Variants in COPG1 observed in about 807,000 individuals in gnomAD.
COPG1 encodes coat protein complex I subunit gamma 1.
COPG1 carries 29 observed loss-of-function variants against 102.8 expected under a neutral mutation model. That is an observed-to-expected ratio of 0.28 (90% CI 0.21 to 0.38). COPG1 has a LOEUF of 0.38. Among genes scored for constraint, COPG1 ranks in the 10% least tolerant of loss-of-function variants. The probability of loss-of-function intolerance (pLI) is 1.00; values close to 1 mark genes in which losing one functional copy is unlikely to be tolerated. For missense variants in COPG1, 875 were observed against 1,132.7 expected, an observed-to-expected ratio of 0.77 and a Z score of 3.27; for synonymous variants, 406 against 421.6, an observed-to-expected ratio of 0.96 and a Z score of 0.45.
At position 129,275,971 on chromosome 3, in the gene COPG1, TACACACACACAC is replaced by T. The variant is rs59294610; in HGVS notation, c.2494+695_2494+706del. Among the ~76,000 whole-genome samples the T allele has an allele frequency of 8.7e-5, 13 of 149,394 alleles. No homozygotes were observed. The highest frequency in any genetic ancestry group is 5.4e-4 in the Admixed American group (8 of 14,938). On this transcript the variant is annotated intron_variant, in intron 23 of 23. Transcript: ENST00000314797. This position sits in a 1 kb window ranked among gnomAD's most constrained non-coding sequence, Gnocchi z 5.0. The stretch of plus-strand genomic sequence containing the variant: ...ACAGATGTTACAGTAAATAATCGTG[TACACACACACAC>T]ACACACACACACACAGTTTACTTTG...
rs1327000759 is a variant in COPG1, at chr3:129,257,713, A to G, written c.738-14A>G. 10 of 1,613,390 alleles carry G rather than the reference A, an allele frequency of 6.2e-6. No homozygotes were observed. Among genetic ancestry groups the G allele is most frequent in the African/African-American group, 4.0e-5 (3 of 74,868 alleles). On this transcript the variant is annotated splice_polypyrimidine_tract_variant and intron_variant, in intron 9 of 23. Coordinates refer to ENST00000314797, the MANE Select transcript of COPG1 (RefSeq NM_016128.4). ...ACCCCCAACGTTTTCTTGCCACCCT[A>G]TGTTCTTTTGTAGCCGTGACAGCCC...
chr3:129,265,254 A>G (rs1434761154), intron 13 of COPG1, among the ~76,000 whole-genome samples: 1 of 151,882 alleles, frequency 6.6e-6, no homozygotes, highest in Non-Finnish European at 1.5e-5. Flanking sequence ...ACCATGCCCA[A>G]CTAATTTTTC....
chr3:129,252,416 G>C lies in COPG1; in HGVS notation c.171+55G>C, dbSNP rs112659808. The C allele has an allele frequency of 8.5e-4, 1,113 of 1,314,516 alleles. 6 individuals carry two copies. In the African/African-American group the frequency reaches 0.013, roughly 15 times the overall value. 81.4% of individuals were successfully genotyped at this position (1,314,516 alleles called of 1,614,324 possible). On this transcript the variant is annotated intron_variant, in intron 3 of 23. Coordinates refer to ENST00000314797, the MANE Select transcript of COPG1 (RefSeq NM_016128.4). ...AATGGTGCTGGGGGATTGGAGGGGA[G>C]TGGACAAATCATGATCACTCTTAGG... is the stretch of plus-strand genomic sequence containing the variant.
At chr3:129,263,865 TGGCA>T in intron 12 of COPG1, 35 bp from the exon 13 acceptor site, 1 of 1,575,192 alleles carries the variant, frequency 6.3e-7, no homozygotes, top group Non-Finnish European at 8.7e-7. Context: ...CCCATCTTGG[TGGCA>T]GGGCCTGCTG....
Position 129,274,859 on chromosome 3 carries a change from G to C in COPG1, c.2278G>C (p.Val760Leu). The C allele has an allele frequency of 3.1e-6, 5 of 1,614,178 alleles. No homozygotes were observed. Among genetic ancestry groups the C allele is most frequent in the Non-Finnish European group, 4.2e-6 (5 of 1,180,026 alleles). ...CCAGCTGGAAGATCTGGAAGTTACT[G>C]TAGCTGATCACATTCAAAAGGTCAT... ...EYVLEDLEVT[V>L]ADHIQKVMKL... The change falls in exon 22 of 24, where the codon GTA becomes CTA. Residue 760 changes from valine to leucine, a missense_variant. Val to Leu is a conservative substitution (Grantham distance 32). Coordinates refer to ENST00000314797, the MANE Select transcript of COPG1 (RefSeq NM_016128.4).
chr3:129,275,272 C>A lies in COPG1; in HGVS notation c.2474C>A (p.Thr825Asn), dbSNP rs769406146. 6.2e-7 allele frequency: 1 copy of A among 1,614,110 alleles called. No individual in the cohort carries two copies. Among genetic ancestry groups the A allele is most frequent in the Non-Finnish European group, 8.5e-7 (1 of 1,179,984 alleles). ...GACAAAGTGCCGGATAACAAGAACACCCACACGTTGCTCCTGGCTGGTAAG... is the reference window on the plus strand; with the variant it reads ...GACAAAGTGCCGGATAACAAGAACAACCACACGTTGCTCCTGGCTGGTAAG... ...RSDKVPDNKN[T>N]HTLLLAGVFR... The change falls in exon 23 of 24, where the codon ACC (threonine) becomes AAC (asparagine). Residue 825 changes from threonine (T) to asparagine (N), a missense_variant. By Grantham distance (65) the Thr-to-Asn change is moderately conservative. Coordinates refer to ENST00000314797, the MANE Select transcript of COPG1 (RefSeq NM_016128.4). The surrounding 1 kb of genome is among the most constrained non-coding windows in gnomAD (Gnocchi z 5.0).
chr3:129,265,108 A>C (rs1014880667), intron 13 of COPG1, among the ~76,000 whole-genome samples: 1 of 150,608 alleles, frequency 6.6e-6, no homozygotes, highest in African/African-American at 2.5e-5. Context: ...GACGTGAGCC[A>C]CTGCGCCCGG....
chr3:129,271,650 C>A lies in COPG1; in HGVS notation c.1844-117C>A. 1 of 1,216,768 alleles carries A rather than the reference C, an allele frequency of 8.2e-7. No individual in the cohort carries two copies. The highest frequency in any genetic ancestry group is 1.2e-6 in the Non-Finnish European group (1 of 859,908). The allele number at this position is 1,216,768 out of a possible 1,614,324, so 75.4% of individuals were successfully genotyped here. Reference sequence around the variant, plus strand: ...TGAGTAGCCAGTTGGGTAAACATATCTATCCATCTAAGGTAGGGTGGAACA... The same window carrying A: ...TGAGTAGCCAGTTGGGTAAACATATATATCCATCTAAGGTAGGGTGGAACA... On this transcript the variant is annotated intron_variant, in intron 18 of 23. Transcript: ENST00000314797. The surrounding 1 kb of genome is among the most constrained non-coding windows in gnomAD (Gnocchi z 4.7).
intron 14 of COPG1, 138 bp downstream of exon 14, chr3:129,265,930 G>A (rs1276240336): frequency 3.2e-5 from 27 of 845,704 alleles, no homozygotes; most frequent in African/African-American, 1.2e-4. Flanking sequence ...AATATTGTAG[G>A]CAGGACCTTA....
chr3:129,274,753 T>A, intron 21 of COPG1, 85 bp from the exon 22 acceptor site: 2 of 1,471,932 alleles, frequency 1.4e-6, no homozygotes, highest in Non-Finnish European at 1.9e-6. Flanking sequence ...TGGAAAGAGT[T>A]GCAGGAAGGG....
chr3:129,262,741 T>A, intron 12 of COPG1, among the ~76,000 whole-genome samples: 1 of 147,778 alleles, frequency 6.8e-6, no homozygotes, highest in African/African-American at 2.6e-5. Flanking sequence ...AAAAATTGGC[T>A]GGGCGCGGTG....
chr3:129,276,207 G>T (rs533283196), intron 23 of COPG1, among the ~76,000 whole-genome samples: 3 of 152,316 alleles, frequency 2.0e-5, no homozygotes, highest in African/African-American at 7.2e-5. Context: ...TGATATCTTA[G>T]TGTAGTTTTT....
intron 5 of COPG1, 113 bp downstream of exon 5, chr3:129,253,068 G>A (rs1329429888): frequency 5.7e-6 from 5 of 871,890 alleles, no homozygotes; most frequent in African/African-American, 3.3e-5. Context: ...TGCCCACCCC[G>A]TGGCAGCTTC....
intron 14 of COPG1, among the ~76,000 whole-genome samples, chr3:129,266,352 C>A (rs1221194293): frequency 6.6e-6 from 1 of 152,128 alleles, no homozygotes; most frequent in East Asian, 1.9e-4. Flanking sequence ...TGGTCACGAA[C>A]TCCTGGGCTC....
intron 12 of COPG1, among the ~76,000 whole-genome samples, chr3:129,261,052 G>C (rs1295649041): frequency 6.6e-6 from 1 of 152,202 alleles, no homozygotes; most frequent in South Asian, 2.1e-4. Context: ...GCCAGTTAAG[G>C]GTTCATTGAT....
In COPG1 at chr3:129,249,656, CGT is replaced by C. The variant is rs1939648904; in HGVS notation, c.-52_-51del. ...TAGAACCACTGTGGCACCGCTACTC[CGT>C]GCCGCGCCCGTCGAGCATTGCGTTG... On this transcript the variant is annotated 5_prime_UTR_variant, in exon 1 of 24. Coordinates refer to ENST00000314797, the MANE Select transcript of COPG1 (RefSeq NM_016128.4). 6.5e-7 allele frequency: 1 copy of C among 1,545,420 alleles called. No homozygotes were observed. Among genetic ancestry groups the C allele is most frequent in the South Asian group, 1.2e-5 (1 of 83,796 alleles).
intron 13 of COPG1, 145 bp from the exon 14 acceptor site, chr3:129,265,404 G>A: frequency 1.0e-6 from 1 of 1,001,222 alleles, no homozygotes; most frequent in Non-Finnish European, 1.5e-6. Flanking sequence ...CCTTTTGTTT[G>A]ACAGGAAAGA....
intron 21 of COPG1, 149 bp from the exon 22 acceptor site, chr3:129,274,689 G>C: frequency 1.2e-6 from 1 of 858,356 alleles, no homozygotes; most frequent in Non-Finnish European, 1.8e-6. Context: ...ACCTGGTCAA[G>C]TTGCTCTATG....
At chr3:129,273,954 G>C (rs1940223843) in intron 21 of COPG1, 1 of 451,262 alleles carries the variant, frequency 2.2e-6, no homozygotes, top group African/African-American at 2.0e-5. Flanking sequence ...AGGGCCATCT[G>C]AGTGCAGACC....
Sources: gnomAD v4.1 joint callset for allele counts (sites outside exome capture counted in the v4.1 genomes callset) on GRCh38, gnomAD v4.1.1 for gene constraint, Gnocchi (gnomAD v3.1) non-coding constraint, MANE v1.5 for transcripts, NCBI Gene and HGNC (gene_info 2026-07-23, HGNC 2026-07-21) for gene names.